The following COL4A4 variants were observed in gnomAD, a reference collection of about 807,000 sequenced individuals.
COL4A4 encodes the protein collagen type IV alpha 4 chain.
Under a neutral mutation model 192.9 loss-of-function variants are expected in COL4A4, and 105 were observed. That is an observed-to-expected ratio of 0.54 (90% CI 0.46 to 0.64). COL4A4 has a LOEUF of 0.64. Among genes scored for constraint, COL4A4 ranks in the 30% least tolerant of loss-of-function variants. COL4A4 has a pLI of 0.00. For synonymous variants in COL4A4, 762 were observed against 769.9 expected, an observed-to-expected ratio of 0.99 and a Z score of 0.17; for missense variants, 1,967 against 2,169.3, an observed-to-expected ratio of 0.91 and a Z score of 1.85.
At chr2:227,049,982 T>C (rs1406719533) in intron 34 of COL4A4, 86 bp downstream of exon 34, 19 of 1,286,902 alleles carry the variant, frequency 1.5e-5, no homozygotes, top group Non-Finnish European at 1.9e-5. Context: ...ACACTTTGCT[T>C]ATCATGTAAA....
At chr2:227,132,640 G>A (rs922579456) in intron 4 of COL4A4, among the ~76,000 whole-genome samples, 1 of 152,140 alleles carries the variant, frequency 6.6e-6, no homozygotes, top group African/African-American at 2.4e-5. Flanking sequence ...GCCGGGCATG[G>A]TGGTGTGTGC....
chr2:227,008,247 A>G lies in COL4A4; in HGVS notation c.4580T>C (p.Ile1527Thr). The change falls in exon 47 of 48, where the codon ATC becomes ACC. Residue 1527 changes from isoleucine (I) to threonine (T), a missense_variant. Physicochemically the swap from Ile to Thr is moderately conservative, Grantham distance 89. Coordinates refer to ENST00000396625, the MANE Select transcript of COL4A4 (RefSeq NM_000092.5). The part of the protein sequence containing the change: ...FSTLPFAYCN[I>T]HQVCHYAQRN... Reference sequence around the variant, plus strand: ...CTGGGCATAGTGGCACACCTGGTGGATGTTGCAGTAGGCAAAGGGCAGCGT... The same window carrying G: ...CTGGGCATAGTGGCACACCTGGTGGGTGTTGCAGTAGGCAAAGGGCAGCGT... 6.2e-7 allele frequency: 1 copy of G among 1,614,232 alleles called. No homozygotes were observed. The highest frequency in any genetic ancestry group is 8.5e-7 in the Non-Finnish European group (1 of 1,180,038).
intron 23 of COL4A4, among the ~76,000 whole-genome samples, chr2:227,081,502 G>A (rs535806547): frequency 6.6e-6 from 1 of 152,194 alleles, no homozygotes; most frequent in Admixed American, 6.5e-5. Context: ...CCCTACTTTT[G>A]AGGCTTTTGG....
rs2060518171 is a variant in COL4A4, at chr2:227,101,476, G to T, written c.1029+28C>A. On this transcript the variant is annotated intron_variant, in intron 17 of 47. Coordinates refer to ENST00000396625, the MANE Select transcript of COL4A4 (RefSeq NM_000092.5). ...TATTAAGGATATAAACTTTTATCAGGATATATTAAAATAGGCTCACTTTTT... is the reference window on the plus strand; with the variant it reads ...TATTAAGGATATAAACTTTTATCAGTATATATTAAAATAGGCTCACTTTTT... The T allele has an allele frequency of 4.5e-6, 7 of 1,554,422 alleles. No homozygotes were observed. In the South Asian group the frequency reaches 8.1e-5, roughly 18 times the overall value.
the COL4A4 span, chr2:226,997,193 T>C: frequency 1.3e-5 from 2 of 152,216 alleles, no homozygotes; most frequent in South Asian, 2.1e-4. Context: ...ATAACTGATA[T>C]AAAACTACAT....
chr2:226,973,089 G>T, the COL4A4 span, among the ~76,000 whole-genome samples: 10 of 152,180 alleles, frequency 6.6e-5, no homozygotes, highest in East Asian at 1.7e-3. Context: ...CTTCCTCACA[G>T]AAGTTCCTCC....
intron 1 of COL4A4, among the ~76,000 whole-genome samples, chr2:227,154,657 G>A (rs944214191): frequency 1.5e-4 from 23 of 152,258 alleles, no homozygotes; most frequent in African/African-American, 5.1e-4. Flanking sequence ...AATAATTTTT[G>A]TGATTGCTTG....
chr2:226,977,281 T>C, the COL4A4 span, among the ~76,000 whole-genome samples: 1 of 152,294 alleles, frequency 6.6e-6, no homozygotes. Flanking sequence ...CTTGCCTTCA[T>C]GACTGCCGCC....
chr2:227,020,888 T>TTTTTTTTC (rs1479838907), intron 44 of COL4A4, among the ~76,000 whole-genome samples: 1 of 147,182 alleles, frequency 6.8e-6, no homozygotes, highest in Non-Finnish European at 1.5e-5. Flanking sequence ...TTCTTTTTTT[T>TTTTTTTTC]TTTTTTTTGA....
intron 27 of COL4A4, 35 bp downstream of exon 27, chr2:227,060,101 G>GAAAAACAA (rs1976530533): frequency 5.9e-6 from 3 of 505,770 alleles, no homozygotes; most frequent in Non-Finnish European, 6.3e-6. Context: ...TCCCAAAGCA[G>GAAAAACAA]AAAAAAAAAA....
rs1407942770 is a variant in COL4A4, at chr2:227,027,577, T to C, written c.4081+325A>G. Among the ~76,000 whole-genome samples, 4 of 151,562 alleles carry C rather than the reference T, an allele frequency of 2.6e-5. No homozygotes were observed. In the East Asian group the frequency reaches 5.8e-4, roughly 22 times the overall value. The stretch of plus-strand genomic sequence containing the variant: ...GCAGCACACCAACATGGCACATGTA[T>C]ACATATGTAACAAACCTGCACGTTG... On this transcript the variant is annotated intron_variant, in intron 42 of 47. Coordinates refer to ENST00000396625, the MANE Select transcript of COL4A4 (RefSeq NM_000092.5).
the COL4A4 span, among the ~76,000 whole-genome samples, chr2:226,990,659 C>A: frequency 6.6e-6 from 1 of 152,204 alleles, no homozygotes; most frequent in East Asian, 1.9e-4. Flanking sequence ...AATGCAGAGG[C>A]TACTGCATTT....
At chr2:227,045,481 ATG>A (rs33925053) in intron 35 of COL4A4, among the ~76,000 whole-genome samples, 78,201 of 151,212 alleles carry the variant, frequency 0.52, 20,366 homozygotes, top group South Asian at 0.63. Context: ...ATATTATACT[ATG>A]TCTAGGCCGG....
At chr2:226,971,906 C>T in the COL4A4 span, among the ~76,000 whole-genome samples, 3 of 126,294 alleles carry the variant, frequency 2.4e-5, no homozygotes, top group Non-Finnish European at 5.0e-5. Context: ...AAGCAAAAGC[C>T]CACTTTTTTT....
chr2:227,031,969 G>T lies in COL4A4; in HGVS notation c.3793C>A (p.Pro1265Thr). The T allele has an allele frequency of 6.2e-7, 1 of 1,612,950 alleles. No homozygotes were observed. The highest frequency in any genetic ancestry group is 8.5e-7 in the Non-Finnish European group (1 of 1,178,948). The change falls in exon 40 of 48, where the codon CCT (proline) becomes ACT (threonine). Residue 1265 changes from proline to threonine, a missense_variant. Coordinates refer to ENST00000396625, the MANE Select transcript of COL4A4 (RefSeq NM_000092.5). ...CCTCTTGGGCCATCAGGACCAGGAG[G>T]TCCCTGATCTCCAGGTGGACCCGGG... is the stretch of plus-strand genomic sequence containing the variant. Reference protein sequence around the residue: ...PDPGPPGDQGPPGPDGPRGAP... With the variant: ...PDPGPPGDQGTPGPDGPRGAP...
At chr2:227,065,169 G>C (rs922350087) in intron 25 of COL4A4, among the ~76,000 whole-genome samples, 3 of 152,222 alleles carry the variant, frequency 2.0e-5, no homozygotes, top group African/African-American at 7.2e-5. Flanking sequence ...CGAATACTGC[G>C]CTTTTCCGAC....
At position 227,081,263 on chromosome 2, in the gene COL4A4, G is replaced by T. The variant is rs566733722; in HGVS notation, c.1697-714C>A. 6.6e-5 allele frequency among the ~76,000 whole-genome samples: 10 copies of T among 152,294 alleles called. No homozygotes were observed. In the East Asian group the frequency reaches 1.9e-3, roughly 29 times the overall value. On this transcript the variant is annotated intron_variant, in intron 23 of 47. Transcript: ENST00000396625. The stretch of plus-strand genomic sequence containing the variant: ...GGAAGACCTACTCCCAATGTGGGTG[G>T]GCACCATCCAATTAGCTGCCAGCAC...
chr2:227,059,968 T>C (rs1976477688), intron 27 of COL4A4, among the ~76,000 whole-genome samples, 168 bp downstream of exon 27: 2 of 151,922 alleles, frequency 1.3e-5, no homozygotes, highest in Non-Finnish European at 2.9e-5. Context: ...AATCTGAAAG[T>C]TATCACAATA....
chr2:227,066,221 A>C (rs1360606776), intron 25 of COL4A4, among the ~76,000 whole-genome samples: 1 of 152,224 alleles, frequency 6.6e-6, no homozygotes, highest in East Asian at 1.9e-4. Flanking sequence ...CTATGTGAAA[A>C]GACCAAATCT....
Sources: gnomAD v4.1 joint callset for allele counts (sites outside exome capture counted in the v4.1 genomes callset) on GRCh38, gnomAD v4.1.1 for gene constraint, MANE v1.5 for transcripts, NCBI Gene and HGNC (gene_info 2026-07-23, HGNC 2026-07-21) for gene names.